The following TGFBR3 variants were observed in gnomAD, a reference collection of about 807,000 sequenced individuals.
TGFBR3 encodes the protein transforming growth factor beta receptor 3, also known as transforming growth factor beta receptor type 3.
TGFBR3 carries 46 observed loss-of-function variants against 87.9 expected under a neutral mutation model. That is an observed-to-expected ratio of 0.52 (90% CI 0.41 to 0.67). The LOEUF (loss-of-function observed/expected upper bound fraction) is 0.67. Among genes scored for constraint, TGFBR3 ranks in the 30% least tolerant of loss-of-function variants. The probability of loss-of-function intolerance (pLI) is 0.00; values close to 1 mark genes in which losing one functional copy is unlikely to be tolerated. For synonymous variants in TGFBR3, 381 were observed against 391.6 expected, an observed-to-expected ratio of 0.97 and a Z score of 0.32; for missense variants, 866 against 1,041.9, an observed-to-expected ratio of 0.83 and a Z score of 2.32.
rs139089483 is a variant in TGFBR3, at chr1:91,714,647, T to G, written c.1866+1589A>C. Among the ~76,000 whole-genome samples, 9 of 152,198 alleles carry G rather than the reference T, an allele frequency of 5.9e-5. No homozygotes were observed. The East Asian group carries it at 1.5e-3, about 26-fold the overall frequency. On this transcript the variant is annotated intron_variant, in intron 12 of 16. Transcript: ENST00000212355. ...CCAGGGTAAGGTACAGGAGGAAGAT[T>G]GACCACTGATTAGCATAAATCAGCA...
intron 2 of TGFBR3, among the ~76,000 whole-genome samples, chr1:91,829,094 G>T (rs1358980471): frequency 6.6e-6 from 1 of 152,078 alleles, no homozygotes; most frequent in East Asian, 1.9e-4. Flanking sequence ...GGCACAGTGT[G>T]GCTGGGCACG....
upstream of TGFBR3, among the ~76,000 whole-genome samples, chr1:91,889,347 C>T (rs2101326247): frequency 6.6e-6 from 1 of 152,262 alleles, no homozygotes; most frequent in East Asian, 1.9e-4. Flanking sequence ...TTCAATCTCA[C>T]ATCCACCGAC....
chr1:91,807,840 G>A (rs1450662629), intron 2 of TGFBR3, among the ~76,000 whole-genome samples: 1 of 152,184 alleles, frequency 6.6e-6, no homozygotes, highest in Non-Finnish European at 1.5e-5. Context: ...AGATACAGGA[G>A]CTGGGTTTTA....
At chr1:91,802,184 C>T (rs1675654335) in intron 2 of TGFBR3, among the ~76,000 whole-genome samples, 1 of 152,036 alleles carries the variant, frequency 6.6e-6, no homozygotes, top group Admixed American at 6.5e-5. Flanking sequence ...CTTGGAGAGA[C>T]GCTCTTCTGC....
At chr1:91,873,612 T>G (rs994143972) in intron 1 of TGFBR3, among the ~76,000 whole-genome samples, 4 of 152,102 alleles carry the variant, frequency 2.6e-5, no homozygotes, top group Non-Finnish European at 4.4e-5. Flanking sequence ...AATTTTCCCT[T>G]TTTAATGCCC....
At chr1:91,771,921 G>A (rs1674394624) in intron 3 of TGFBR3, among the ~76,000 whole-genome samples, 1 of 152,028 alleles carries the variant, frequency 6.6e-6, no homozygotes, top group African/African-American at 2.4e-5. Flanking sequence ...TGGGCAGCAG[G>A]AAGGGGGCAC....
rs535320917 is a variant in TGFBR3, at chr1:91,771,719, A to C, written c.247-12969T>G. ...AGACTCTGTCTCAAAAAAAAAAAAA[A>C]AAAAGGTAAATAATGCAAATAATAT... On this transcript the variant is annotated intron_variant, in intron 3 of 16. Coordinates refer to ENST00000212355, the MANE Select transcript of TGFBR3 (RefSeq NM_003243.5). 1.7e-4 allele frequency among the ~76,000 whole-genome samples: 26 copies of C among 151,962 alleles called. No individual in the cohort carries two copies. In the South Asian group the frequency reaches 5.2e-3, roughly 30 times the overall value.
chr1:91,877,332 G>A (rs894271881), intron 1 of TGFBR3, among the ~76,000 whole-genome samples: 3 of 151,342 alleles, frequency 2.0e-5, no homozygotes, highest in African/African-American at 7.3e-5. Flanking sequence ...TTTTTTGTGT[G>A]TGTGGTGGGG....
chr1:91,813,445 C>T (rs1463762989), intron 2 of TGFBR3, among the ~76,000 whole-genome samples: 2 of 152,182 alleles, frequency 1.3e-5, no homozygotes, highest in African/African-American at 4.8e-5. Flanking sequence ...CTCATGGTGA[C>T]CTCCCCTTTT....
intron 14 of TGFBR3, among the ~76,000 whole-genome samples, chr1:91,706,681 TAC>T (rs1370306748): frequency 6.6e-6 from 1 of 152,242 alleles, no homozygotes; most frequent in Non-Finnish European, 1.5e-5. Context: ...TTTGTTTCTT[TAC>T]GTCTCTAATA....
At chr1:91,735,949 C>T (rs545964859) in intron 4 of TGFBR3, among the ~76,000 whole-genome samples, 3 of 152,044 alleles carry the variant, frequency 2.0e-5, no homozygotes, top group Admixed American at 6.6e-5. Flanking sequence ...TTATTCATAA[C>T]GAAAAGCATG....
At chr1:91,710,228 G>C (rs1168596922) in intron 13 of TGFBR3, among the ~76,000 whole-genome samples, 1 of 152,122 alleles carries the variant, frequency 6.6e-6, no homozygotes, top group Non-Finnish European at 1.5e-5. Flanking sequence ...CAACATGCCA[G>C]TCAGACACTT....
At chr1:91,878,781 AG>A (rs1413661597) in intron 1 of TGFBR3, among the ~76,000 whole-genome samples, 11 of 152,234 alleles carry the variant, frequency 7.2e-5, no homozygotes, top group African/African-American at 2.4e-4. Flanking sequence ...CATATACCAG[AG>A]AAATGAATTA....
chr1:91,870,773 G>C (rs1185912722), intron 1 of TGFBR3, among the ~76,000 whole-genome samples: 1 of 152,102 alleles, frequency 6.6e-6, no homozygotes, highest in Non-Finnish European at 1.5e-5. Context: ...GAGGCCAAAG[G>C]CTCCCTTGAA....
At chr1:91,873,593 G>A (rs1051551540) in intron 1 of TGFBR3, among the ~76,000 whole-genome samples, 10 of 151,992 alleles carry the variant, frequency 6.6e-5, no homozygotes, top group Admixed American at 5.9e-4. Flanking sequence ...GAGCCAACAC[G>A]CCTGGCCCAA....
intron 1 of TGFBR3, among the ~76,000 whole-genome samples, chr1:91,882,607 T>C (rs1249441597): frequency 1.3e-5 from 2 of 151,912 alleles, no homozygotes; most frequent in Non-Finnish European, 1.5e-5. Context: ...TAGCCGGGCA[T>C]GGTGGCGAGT....
chr1:91,850,819 G>C (rs1677701763), intron 2 of TGFBR3, among the ~76,000 whole-genome samples: 1 of 151,158 alleles, frequency 6.6e-6, no homozygotes, highest in African/African-American at 2.4e-5. Context: ...CAGAGCAGGG[G>C]CTGACTCCAG....
At chr1:91,774,147 T>C (rs1359721962) in intron 3 of TGFBR3, among the ~76,000 whole-genome samples, 1 of 135,128 alleles carries the variant, frequency 7.4e-6, no homozygotes, top group Non-Finnish European at 1.6e-5. Context: ...GATATACTTT[T>C]CTTTTTTTTT....
chr1:91,854,760 C>T (rs1677874733), intron 2 of TGFBR3, among the ~76,000 whole-genome samples: 1 of 151,894 alleles, frequency 6.6e-6, no homozygotes, highest in Non-Finnish European at 1.5e-5. Flanking sequence ...TGCACTATAC[C>T]AAAAAGGTCA....
Sources: gnomAD v4.1 joint callset for allele counts (sites outside exome capture counted in the v4.1 genomes callset) on GRCh38, gnomAD v4.1.1 for gene constraint, MANE v1.5 for transcripts, NCBI Gene and HGNC (gene_info 2026-07-23, HGNC 2026-07-21) for gene names.